The following RNGTT variants were observed in gnomAD, a reference collection of about 807,000 sequenced individuals.
RNGTT encodes the protein mRNA-capping enzyme.
A neutral mutation model predicts 79.3 loss-of-function variants in RNGTT; 33 were observed. That is an observed-to-expected ratio of 0.42 (90% CI 0.32 to 0.56). The LOEUF is 0.56. Among genes scored for constraint, RNGTT ranks in the 20% least tolerant of loss-of-function variants. The probability of loss-of-function intolerance (pLI) is 0.17; values close to 1 mark genes in which losing one functional copy is unlikely to be tolerated. For missense variants in RNGTT, 497 were observed against 739.1 expected, an observed-to-expected ratio of 0.67 and a Z score of 3.80; for synonymous variants, 222 against 235.9, an observed-to-expected ratio of 0.94 and a Z score of 0.54.
intron 1 of RNGTT, among the ~76,000 whole-genome samples, chr6:88,942,207 A>T (rs959908711): frequency 1.2e-4 from 19 of 152,184 alleles, no homozygotes; most frequent in African/African-American, 4.6e-4. Context: ...CTAGAATATG[A>T]TATCATTCTG....
At chr6:88,687,778 A>G (rs1775332487) in intron 13 of RNGTT, among the ~76,000 whole-genome samples, 1 of 152,226 alleles carries the variant, frequency 6.6e-6, no homozygotes. Flanking sequence ...AGGCTAAAAC[A>G]GAAACTAAAG....
In RNGTT at chr6:88,632,536, GACACACAGACACACACACACACACAC is replaced by G. The variant is rs1264370340; in HGVS notation, c.1507-18167_1507-18142del. Among the ~76,000 whole-genome samples, 197 of 98,478 alleles carry G rather than the reference GACACACAGACACACACACACACACAC, an allele frequency of 2.0e-3. 1 individual carries two copies. The highest frequency in any genetic ancestry group is 5.9e-3 in the African/African-American group (188 of 31,762). 64.6% of individuals were successfully genotyped at this position (98,478 alleles called of 152,430 possible). On this transcript the variant is annotated intron_variant, in intron 14 of 15. Transcript: ENST00000369485. ...TATAGCAACCAACTACAGACACACA[GACACACAGACACACACACACACACAC>G]ACACACACACACACACACGTACATT...
chr6:88,640,973 G>A (rs1773292334), intron 14 of RNGTT, among the ~76,000 whole-genome samples: 1 of 152,078 alleles, frequency 6.6e-6, no homozygotes, highest in Non-Finnish European at 1.5e-5. Flanking sequence ...TTTCTTCTAT[G>A]AGACTCCCTA....
Sources: allele counts gnomAD v4.1 joint callset (sites outside exome capture counted in the v4.1 genomes callset), GRCh38; gene constraint gnomAD v4.1.1; transcripts MANE v1.5; gene names NCBI Gene and HGNC (gene_info 2026-07-23, HGNC 2026-07-21).